Variants in RNGTT observed in about 807,000 individuals in gnomAD.
RNGTT encodes mRNA-capping enzyme.
In RNGTT, 33 loss-of-function variants were observed where a neutral mutation model predicts 79.3. The observed-to-expected ratio is 0.42, with a 90% CI of 0.32 to 0.56. The LOEUF is 0.56. RNGTT is among the 20% of genes least tolerant of loss of function. The pLI is 0.17. For synonymous variants in RNGTT, 222 were observed against 235.9 expected, an observed-to-expected ratio of 0.94 and a Z score of 0.54; for missense variants, 497 against 739.1, an observed-to-expected ratio of 0.67 and a Z score of 3.80.
At chr6:88,660,414 C>A (rs115102612) in intron 14 of RNGTT, among the ~76,000 whole-genome samples, 2,333 of 152,132 alleles carry the variant, frequency 0.015, 59 homozygotes, top group African/African-American at 0.054. Flanking sequence ...CTTCAAGAGA[C>A]TCAACTAACA....
chr6:88,696,336 T>C (rs996758222), intron 13 of RNGTT, among the ~76,000 whole-genome samples: 1 of 152,192 alleles, frequency 6.6e-6, no homozygotes, highest in African/African-American at 2.4e-5. Context: ...TCTAAATGGA[T>C]AGTTGATTTA....
chr6:88,802,704 C>T (rs1779830614), intron 11 of RNGTT, among the ~76,000 whole-genome samples: 1 of 152,164 alleles, frequency 6.6e-6, no homozygotes, highest in Non-Finnish European at 1.5e-5. Flanking sequence ...CATGGTCTTA[C>T]ATGGCAGCAG....
chr6:88,923,667 A>C (rs955827455), intron 4 of RNGTT, among the ~76,000 whole-genome samples: 2 of 152,134 alleles, frequency 1.3e-5, no homozygotes, highest in Non-Finnish European at 1.5e-5. Flanking sequence ...AGACACAAAC[A>C]CAAGGCCACT....
intron 11 of RNGTT, among the ~76,000 whole-genome samples, chr6:88,803,016 T>A (rs1779838294): frequency 6.6e-6 from 1 of 152,168 alleles, no homozygotes; most frequent in Admixed American, 6.5e-5. Flanking sequence ...AAGATTTGCT[T>A]TCCAAAAGCA....
rs921976340 is a variant in RNGTT, at chr6:88,798,019, T to G, written c.1338+3545A>C. On this transcript the variant is annotated intron_variant, in intron 12 of 15. Transcript: ENST00000369485. ...CAGAGTGCAGAAAAAGGTAAGAGACTGTTTGGTAAGAGACTGTTCTATTTT... is the reference window on the plus strand; with the variant it reads ...CAGAGTGCAGAAAAAGGTAAGAGACGGTTTGGTAAGAGACTGTTCTATTTT... Among the ~76,000 whole-genome samples, 7 of 150,914 alleles carry G rather than the reference T, an allele frequency of 4.6e-5. No homozygotes were observed. The South Asian group carries it at 1.5e-3, about 32-fold the overall frequency.
Position 88,963,497 on chromosome 6 carries a change from T to C in RNGTT, c.-88A>G, listed in dbSNP as rs1291674086. The C allele has an allele frequency of 3.8e-5, 48 of 1,264,696 alleles. No individual in the cohort carries two copies. The highest frequency in any genetic ancestry group is 5.4e-5 in the Admixed American group (2 of 37,186). The allele number at this position is 1,264,696 out of a possible 1,614,324, so 78.3% of individuals were successfully genotyped here. A position where few individuals can be genotyped will look rare whatever the true frequency, so the allele number is the denominator to read the frequency against. ...CCCCGTGGTCCGGTGCACACCGGGG[T>C]CCGAGACACCCGAATCGCAGCCGTA... On this transcript the variant is annotated 5_prime_UTR_variant, in exon 1 of 16. Coordinates refer to ENST00000369485, the MANE Select transcript of RNGTT (RefSeq NM_003800.5).
intron 13 of RNGTT, among the ~76,000 whole-genome samples, chr6:88,692,398 A>T (rs1037223469): frequency 1.3e-5 from 2 of 152,256 alleles, no homozygotes; most frequent in East Asian, 3.9e-4. Flanking sequence ...ATGTCCATCA[A>T]CTAGTAAATG....
chr6:88,670,448 G>C (rs1774591903), intron 14 of RNGTT, among the ~76,000 whole-genome samples: 1 of 152,156 alleles, frequency 6.6e-6, no homozygotes, highest in Non-Finnish European at 1.5e-5. Flanking sequence ...GACCTAGATA[G>C]TGAGGATGAA....
At chr6:88,715,429 T>G (rs1582373259) in intron 13 of RNGTT, among the ~76,000 whole-genome samples, 1 of 152,228 alleles carries the variant, frequency 6.6e-6, no homozygotes, top group East Asian at 1.9e-4. Context: ...CCCATCAAGC[T>G]ACCAATGACT....
chr6:88,877,092 G>A (rs773151902), intron 8 of RNGTT, among the ~76,000 whole-genome samples: 1 of 152,170 alleles, frequency 6.6e-6, no homozygotes, highest in African/African-American at 2.4e-5. Flanking sequence ...GTTTTAAAAT[G>A]TTAGATTGTT....
intron 4 of RNGTT, among the ~76,000 whole-genome samples, 165 bp from the exon 5 acceptor site, chr6:88,906,605 T>C (rs1039736566): frequency 4.6e-5 from 7 of 152,218 alleles, no homozygotes; most frequent in African/African-American, 1.7e-4. Flanking sequence ...ACTTGTCAGT[T>C]TGAATTGCTT....
At chr6:88,920,332 A>G (rs1434473378) in intron 4 of RNGTT, among the ~76,000 whole-genome samples, 1 of 152,202 alleles carries the variant, frequency 6.6e-6, no homozygotes, top group Admixed American at 6.5e-5. Flanking sequence ...GGTATTACTT[A>G]TAATACCTAA....
At chr6:88,890,666 C>G (rs1783020643) in intron 7 of RNGTT, 70 bp from the exon 8 acceptor site, 1 of 946,316 alleles carries the variant, frequency 1.1e-6, no homozygotes, top group South Asian at 1.6e-5. Context: ...TTAAACCAAT[C>G]TCAAATGAAT....
chr6:88,627,502 C>T (rs9451038), intron 14 of RNGTT, among the ~76,000 whole-genome samples: 1 of 152,054 alleles, frequency 6.6e-6, no homozygotes, highest in Non-Finnish European at 1.5e-5. Flanking sequence ...CAACTATTCA[C>T]CTCTGCCTTT....
At chr6:88,918,401 G>C (rs1238118607) in intron 4 of RNGTT, among the ~76,000 whole-genome samples, 2 of 151,952 alleles carry the variant, frequency 1.3e-5, no homozygotes, top group African/African-American at 4.8e-5. Context: ...ATGGATTCAA[G>C]TATAGATTCT....
chr6:88,663,837 G>C (rs1235316804), intron 14 of RNGTT, among the ~76,000 whole-genome samples: 1 of 152,094 alleles, frequency 6.6e-6, no homozygotes, highest in Non-Finnish European at 1.5e-5. Flanking sequence ...ATATGGTAGG[G>C]GTGCCTTTGT....
At chr6:88,618,386 G>A (rs1199574800) in intron 14 of RNGTT, among the ~76,000 whole-genome samples, 5 of 151,946 alleles carry the variant, frequency 3.3e-5, no homozygotes, top group Admixed American at 6.6e-5. Context: ...AATAATGGTC[G>A]GATCAAAAGA....
intron 11 of RNGTT, among the ~76,000 whole-genome samples, chr6:88,842,463 A>G (rs1328328621): frequency 6.6e-6 from 1 of 152,020 alleles, no homozygotes; most frequent in African/African-American, 2.4e-5. Flanking sequence ...AAATAATAAC[A>G]AAGAAAAAAA....
chr6:88,756,706 T>C (rs1294248331), intron 13 of RNGTT, among the ~76,000 whole-genome samples: 1 of 152,156 alleles, frequency 6.6e-6, no homozygotes, highest in Non-Finnish European at 1.5e-5. Flanking sequence ...TACATACAAA[T>C]TATGCTTTAT....
Sources: allele counts gnomAD v4.1 joint callset (sites outside exome capture counted in the v4.1 genomes callset), GRCh38; gene constraint gnomAD v4.1.1; transcripts MANE v1.5; gene names NCBI Gene and HGNC (gene_info 2026-07-23, HGNC 2026-07-21).